Variants in VGLL3 observed in about 807,000 individuals in gnomAD.
The protein encoded by VGLL3 is transcription cofactor vestigial-like protein 3.
In VGLL3, 18 loss-of-function variants were observed where a neutral mutation model predicts 29.2. The observed-to-expected ratio is 0.62, with a 90% CI of 0.43 to 0.91. The LOEUF (loss-of-function observed/expected upper bound fraction) is 0.91. VGLL3 is among the 40% of genes least tolerant of loss of function. The pLI, the probability that VGLL3 is intolerant of heterozygous loss-of-function variation, is 0.00. For missense variants in VGLL3, 440 were observed against 413.2 expected, an observed-to-expected ratio of 1.06 and a Z score of -0.56; for synonymous variants, 180 against 151.8, an observed-to-expected ratio of 1.19 and a Z score of -1.36.
intron 1 of VGLL3, among the ~76,000 whole-genome samples, chr3:86,982,230 C>T (rs1013209085): frequency 6.6e-6 from 1 of 152,010 alleles, no homozygotes; most frequent in Non-Finnish European, 1.5e-5. Context: ...CTGCAACCTC[C>T]GCCTCCCAGG....
intron 3 of VGLL3, among the ~76,000 whole-genome samples, chr3:86,957,155 T>C (rs1704742829): frequency 6.6e-6 from 1 of 152,198 alleles, no homozygotes; most frequent in African/African-American, 2.4e-5. Flanking sequence ...TTCAAATGTA[T>C]AAAAATGTCT....
rs753307293 is a variant in VGLL3 at position 86,941,415 on chromosome 3, T to G, written c.*5609A>C. 1.3e-5 allele frequency: 2 copies of G among 152,360 alleles called. No homozygotes were observed. The highest frequency in any genetic ancestry group is 2.9e-5 in the Non-Finnish European group (2 of 67,912). The allele number at this position is 152,360 out of a possible 1,614,324, so 9.4% of individuals were successfully genotyped here. ...TAAAGTATGTTGCATTTTAAAAGAA[T>G]TATTCTTATGCCAAATTTAGTAGTC... On this transcript the variant is annotated 3_prime_UTR_variant, in exon 4 of 4. Coordinates refer to ENST00000398399, the MANE Select transcript of VGLL3 (RefSeq NM_016206.4).
intron 3 of VGLL3, among the ~76,000 whole-genome samples, chr3:86,960,901 G>A (rs1460153794): frequency 6.7e-6 from 1 of 148,268 alleles, no homozygotes; most frequent in Non-Finnish European, 1.5e-5. Context: ...TCATGGACCT[G>A]CGAAATATTA....
Position 86,966,703 on chromosome 3 carries a change from T to C in VGLL3, c.937+1887A>G, listed in dbSNP as rs181954092. On this transcript the variant is annotated intron_variant, in intron 3 of 3. Transcript: ENST00000398399. The stretch of plus-strand genomic sequence containing the variant: ...GTAGTTTTCTGAGCCTCAGGTTTCT[T>C]ATTCATAAATGAAACTAACAAGGTC... Among the ~76,000 whole-genome samples, 18 of 147,196 alleles carry C rather than the reference T, an allele frequency of 1.2e-4. 1 individual carries two copies. In the East Asian group the frequency reaches 3.5e-3, roughly 28 times the overall value.
In VGLL3 at chr3:86,968,687, T is replaced by C. The variant is rs1232393862; in HGVS notation, c.840A>G (p.Thr280=). ...AGGTGACTGTAGTTGGTTCTGTCTT[T>C]GTGATGTCACACTGGGGAGCAGGAA... ...ARIPAPQCDI[T]KTEPTTVTSA... The change falls in exon 3 of 4, where the codon ACA becomes ACG. Residue 280 remains threonine (T), a synonymous_variant. Coordinates refer to ENST00000398399, the MANE Select transcript of VGLL3 (RefSeq NM_016206.4). 6.2e-7 allele frequency: 1 copy of C among 1,614,044 alleles called. No homozygotes were observed. Among genetic ancestry groups the C allele is most frequent in the African/African-American group, 1.3e-5 (1 of 74,916 alleles).
Position 86,938,568 on chromosome 3 carries a change from G to A in VGLL3, c.*8456C>T, listed in dbSNP as rs547557455. On this transcript the variant is annotated 3_prime_UTR_variant, in exon 4 of 4. Coordinates refer to ENST00000398399, the MANE Select transcript of VGLL3 (RefSeq NM_016206.4). ...GTACAAGTGCAAAGCAAAGATCAATGCTGATGTTCTTCATTCAGTCACAGC... is the reference window on the plus strand; with the variant it reads ...GTACAAGTGCAAAGCAAAGATCAATACTGATGTTCTTCATTCAGTCACAGC... 1 of 152,726 alleles carries A rather than the reference G, an allele frequency of 6.5e-6. No individual in the cohort carries two copies. Among genetic ancestry groups the A allele is most frequent in the East Asian group, 1.9e-4 (1 of 5,168 alleles). The allele number at this position is 152,726 out of a possible 1,614,324, so 9.5% of individuals were successfully genotyped here.
chr3:86,962,401 C>T (rs1704870951), intron 3 of VGLL3: 2 of 985,250 alleles, frequency 2.0e-6, no homozygotes, highest in East Asian at 1.1e-4. Context: ...AAATTTTGTG[C>T]CAGAGGCACC....
chr3:86,978,678 A>G lies in VGLL3; in HGVS notation c.251T>C (p.Leu84Pro). Residue 84 changes from leucine to proline, a missense_variant, in exon 2 of 4, where the codon CTT becomes CCT. Leu to Pro is a moderately conservative substitution (Grantham distance 98). Coordinates refer to ENST00000398399, the MANE Select transcript of VGLL3 (RefSeq NM_016206.4). ...AGTGAAAAGGACACAGCGAGAGTTA[A>G]GGTACTCCATCTCGGCAGGCTGGTC... is the stretch of plus-strand genomic sequence containing the variant. Reference protein sequence around the residue: ...EKDQPAEMEYLNSRCVLFTYF... With the variant: ...EKDQPAEMEYPNSRCVLFTYF... 1 of 1,614,128 alleles carries G rather than the reference A, an allele frequency of 6.2e-7. No individual in the cohort carries two copies. The highest frequency in any genetic ancestry group is 1.3e-5 in the African/African-American group (1 of 75,030).
At chr3:86,947,683 C>T (rs1704535046) in intron 3 of VGLL3, among the ~76,000 whole-genome samples, 1 of 151,800 alleles carries the variant, frequency 6.6e-6, no homozygotes, top group African/African-American at 2.4e-5. Context: ...TTATCTTCCT[C>T]CAAAAAGTAT....
chr3:86,962,415 C>A, intron 3 of VGLL3: 1 of 985,392 alleles, frequency 1.0e-6, no homozygotes, highest in South Asian at 4.7e-5. Flanking sequence ...AGGCACCTCA[C>A]TGTCCTCACC....
intron 3 of VGLL3, among the ~76,000 whole-genome samples, chr3:86,949,845 AAAG>A (rs1704582446): frequency 6.6e-6 from 1 of 151,708 alleles, no homozygotes; most frequent in South Asian, 2.1e-4. Flanking sequence ...AAAAAAAAGA[AAAG>A]AAAAGAAAAG....
rs555798641 is a variant in VGLL3, at chr3:86,949,709, C to T, written c.938-2642G>A. Among the ~76,000 whole-genome samples the T allele has an allele frequency of 2.7e-3, 408 of 151,742 alleles. 3 individuals are homozygous for T. Among genetic ancestry groups the T allele is most frequent in the Non-Finnish European group, 4.3e-3 (294 of 67,896 alleles). ...GGCGTGATGGCGGGCGCCCTGTAGT[C>T]CCAGCTACTCGGGAGGCTGAGGCAG... On this transcript the variant is annotated intron_variant, in intron 3 of 3. Transcript: ENST00000398399.
intron 3 of VGLL3, 112 bp downstream of exon 3, chr3:86,968,478 T>C (rs1043468571): frequency 1.4e-5 from 18 of 1,248,730 alleles, no homozygotes; most frequent in Non-Finnish European, 1.6e-5. Flanking sequence ...TCCATAAACA[T>C]GTTGGTAAAG....
chr3:86,966,058 T>C (rs1704951570), intron 3 of VGLL3, among the ~76,000 whole-genome samples: 1 of 152,158 alleles, frequency 6.6e-6, no homozygotes, highest in Admixed American at 6.6e-5. Flanking sequence ...TGACCACATA[T>C]GGCTCAGCCC....
At chr3:86,961,479 C>CT (rs902361470) in intron 3 of VGLL3, among the ~76,000 whole-genome samples, 10 of 152,128 alleles carry the variant, frequency 6.6e-5, no homozygotes, top group African/African-American at 2.4e-4. Context: ...AAGAGGACTA[C>CT]TATGTCAGAA....
rs969166905 is a variant in VGLL3 at position 86,949,716 on chromosome 3, A to G, written c.938-2649T>C. On this transcript the variant is annotated intron_variant, in intron 3 of 3. Transcript: ENST00000398399. ...TGGCGGGCGCCCTGTAGTCCCAGCT[A>G]CTCGGGAGGCTGAGGCAGGAGAATG... is the stretch of plus-strand genomic sequence containing the variant. Among the ~76,000 whole-genome samples the G allele has an allele frequency of 1.7e-4, 26 of 151,504 alleles. No homozygotes were observed. In the East Asian group the frequency reaches 2.9e-3, roughly 17 times the overall value.
rs1476665255 is a variant in VGLL3, at chr3:86,946,968, T to A, written c.*56A>T. 2 of 774,556 alleles carry A rather than the reference T, an allele frequency of 2.6e-6. No homozygotes were observed. The highest frequency in any genetic ancestry group is 3.4e-5 in the African/African-American group (2 of 58,912). 48.0% of individuals were successfully genotyped at this position (774,556 alleles called of 1,614,324 possible). ...TGAATGGAAAAACCCGACAGTATCT[T>A]TTCCCAGTGGGCCCTTGGATTTATG... On this transcript the variant is annotated 3_prime_UTR_variant, in exon 4 of 4. Coordinates refer to ENST00000398399, the MANE Select transcript of VGLL3 (RefSeq NM_016206.4).
At chr3:86,976,062 C>G (rs1235364808) in intron 2 of VGLL3, among the ~76,000 whole-genome samples, 1 of 151,806 alleles carries the variant, frequency 6.6e-6, no homozygotes, top group South Asian at 2.1e-4. Flanking sequence ...TGCAGTGAGC[C>G]GAGATCGCAC....
chr3:86,982,495 C>T (rs75826500), intron 1 of VGLL3, among the ~76,000 whole-genome samples: 2,657 of 151,752 alleles, frequency 0.018, 83 homozygotes, highest in African/African-American at 0.06. Flanking sequence ...AGCACTTCTG[C>T]CACATTCTGT....
Sources: allele counts gnomAD v4.1 joint callset (sites outside exome capture counted in the v4.1 genomes callset), GRCh38; gene constraint gnomAD v4.1.1; transcripts MANE v1.5; gene names NCBI Gene and HGNC (gene_info 2026-07-23, HGNC 2026-07-21).